ZNF420: variants seen among roughly 807,000 people sequenced by gnomAD.
The protein encoded by ZNF420 is ATM and p53-associated KZNF protein.
In ZNF420, 31 loss-of-function variants were observed where a neutral mutation model predicts 44.7. The ratio of observed to expected loss-of-function variants is 0.69; its 90% CI spans 0.52 to 0.94. The LOEUF (loss-of-function observed/expected upper bound fraction) is 0.94. Ranked by LOEUF, ZNF420 falls within the 40% of genes least tolerant of loss-of-function variation. The pLI is 0.00. For missense variants in ZNF420, 681 were observed against 827.9 expected (o/e 0.82, Z 2.18); for synonymous variants, 245 against 267.4 (o/e 0.92, Z 0.82).
intron 4 of ZNF420, among the ~76,000 whole-genome samples, chr19:37,115,701 G>A (rs1970636821): frequency 6.6e-6 from 1 of 151,904 alleles, no homozygotes; most frequent in Non-Finnish European, 1.5e-5. Context: ...CTCAACTGCA[G>A]AGAGGCCTTC....
chr19:37,028,101 G>A (rs951185889), intron 1 of ZNF420, among the ~76,000 whole-genome samples: 7 of 152,282 alleles, frequency 4.6e-5, no homozygotes, highest in Middle Eastern at 3.4e-3. Context: ...TGGTGTCAGC[G>A]TTTGGATTTG....
chr19:37,025,805 C>T lies in ZNF420; in HGVS notation c.-125+17723C>T, dbSNP rs527314504. Among the ~76,000 whole-genome samples, 5 of 140,948 alleles carry T rather than the reference C, an allele frequency of 3.5e-5. No individual in the cohort carries two copies. In the East Asian group the frequency reaches 6.7e-4, roughly 19 times the overall value. 92.5% of individuals were successfully genotyped at this position (140,948 alleles called of 152,430 possible). A position where few individuals can be genotyped will look rare whatever the true frequency, so the allele number is the denominator to read the frequency against. On this transcript the variant is annotated intron_variant, in intron 1 of 4. Coordinates refer to the ZNF420 transcript ENST00000587029. The stretch of plus-strand genomic sequence containing the variant: ...TTTTTTTTTTTTTAAGAGACAAGGT[C>T]TCGCTCTGTTGCCTAGGTTGGAGTA...
Position 37,130,022 on chromosome 19 carries a change from G to T in ZNF420, c.*964G>T. ...TCTCTTTTTTAGTAACAAATTTCTG[G>T]GCTGAAAATCTCAGCCTTCCTTGCA... is the stretch of plus-strand genomic sequence containing the variant. On this transcript the variant is annotated 3_prime_UTR_variant, in exon 5 of 5. Coordinates refer to ENST00000337995, the MANE Select transcript of ZNF420 (RefSeq NM_144689.5). 1.3e-6 allele frequency: 2 copies of T among 1,524,064 alleles called. No individual in the cohort carries two copies. Among genetic ancestry groups the T allele is most frequent in the Admixed American group, 2.1e-5 (1 of 47,004 alleles). The allele number at this position is 1,524,064 out of a possible 1,614,324, so 94.4% of individuals were successfully genotyped here. A position where few individuals can be genotyped will look rare whatever the true frequency, so the allele number is the denominator to read the frequency against.
chr19:37,123,771 T>TTGTGTGTGTGTGTGTGTG (rs535419705), intron 4 of ZNF420, among the ~76,000 whole-genome samples: 4 of 151,126 alleles, frequency 2.6e-5, no homozygotes, highest in African/African-American at 9.7e-5. Flanking sequence ...CCCAGCTAAT[T>TTGTGTGTGTGTGTGTGTG]TGTGTGTGTG....
chr19:37,074,799 T>C (rs1273318009), upstream of ZNF420, among the ~76,000 whole-genome samples: 1 of 152,240 alleles, frequency 6.6e-6, no homozygotes, highest in South Asian at 2.1e-4. Context: ...AATATGTAAA[T>C]ACATGCAGAC....
intron 1 of ZNF420, among the ~76,000 whole-genome samples, chr19:37,039,748 T>C (rs1054202220): frequency 6.6e-6 from 1 of 151,644 alleles, no homozygotes; most frequent in Non-Finnish European, 1.5e-5. Flanking sequence ...TTGCCCAGAC[T>C]GGATTGCAGT....
chr19:37,029,749 C>T (rs1386076474), intron 1 of ZNF420, among the ~76,000 whole-genome samples: 1 of 151,998 alleles, frequency 6.6e-6, no homozygotes, highest in East Asian at 1.9e-4. Context: ...ATGTCGTGAT[C>T]CACCCGCCTT....
chr19:37,130,032 C>T lies in ZNF420; in HGVS notation c.*974C>T, dbSNP rs781635898. 6 of 1,532,050 alleles carry T rather than the reference C, an allele frequency of 3.9e-6. No individual in the cohort carries two copies. The highest frequency in any genetic ancestry group is 4.4e-6 in the Non-Finnish European group (5 of 1,137,766). The allele number at this position is 1,532,050 out of a possible 1,614,324, so 94.9% of individuals were successfully genotyped here. On this transcript the variant is annotated 3_prime_UTR_variant, in exon 5 of 5. Transcript: ENST00000337995. ...AGTAACAAATTTCTGGGCTGAAAAT[C>T]TCAGCCTTCCTTGCAGGTCAACAAG...
intron 4 of ZNF420, chr19:37,115,010 T>C (rs1970582982): frequency 6.4e-6 from 1 of 156,382 alleles, no homozygotes; most frequent in African/African-American, 2.4e-5. Context: ...TAAAAGAATT[T>C]TAATGGAGCT....
upstream of ZNF420, chr19:37,077,973 C>T (rs1345993678): frequency 1.3e-5 from 2 of 153,040 alleles, no homozygotes; most frequent in African/African-American, 4.8e-5. Flanking sequence ...CGGAAAGACT[C>T]TCAGTCCACC....
chr19:37,128,874 C>T lies in ZNF420; in HGVS notation c.1883C>T (p.Ser628Leu), dbSNP rs748493149. Reference protein sequence around the residue: ...RECRKAFTQSSHLSRHQRIHT... With the variant: ...RECRKAFTQSLHLSRHQRIHT... ...TGTAGAAAGGCCTTTACTCAGAGTT[C>T]ACATCTTTCTCGGCATCAGAGAATT... Residue 628 changes from serine to leucine, a missense_variant, in exon 5 of 5, where the codon TCA (serine) becomes TTA (leucine). Physicochemically the swap from Ser to Leu is moderately radical, Grantham distance 145. Around this residue, in one of 3 missense-constraint regions of ZNF420, gnomAD observed 280 missense variants for 338.6 expected, o/e 0.83. Transcript: ENST00000337995. 4 of 1,612,594 alleles carry T rather than the reference C, an allele frequency of 2.5e-6. No homozygotes were observed. Among genetic ancestry groups the T allele is most frequent in the Non-Finnish European group, 3.4e-6 (4 of 1,179,668 alleles).
intron 4 of ZNF420, among the ~76,000 whole-genome samples, chr19:37,121,164 C>T (rs1173609408): frequency 6.8e-6 from 1 of 146,508 alleles, no homozygotes. Flanking sequence ...CCCGCATTGC[C>T]AAGTCAATCC....
intron 4 of ZNF420, among the ~76,000 whole-genome samples, chr19:37,103,201 ATTTTAT>A (rs889248866): frequency 6.6e-6 from 1 of 152,056 alleles, no homozygotes; most frequent in African/African-American, 2.4e-5. Flanking sequence ...TTGTTTTAAA[ATTTTAT>A]TTTTATTTCC....
At chr19:37,074,952 G>A (rs533178884), upstream of ZNF420, among the ~76,000 whole-genome samples, 1 of 152,250 alleles carries the variant, frequency 6.6e-6, no homozygotes, top group Admixed American at 6.5e-5. Flanking sequence ...TTATATCAGA[G>A]TGCCTCAGAT....
chr19:37,062,434 T>C (rs1018110347), intron 1 of ZNF420, among the ~76,000 whole-genome samples: 7 of 152,256 alleles, frequency 4.6e-5, no homozygotes, highest in African/African-American at 1.7e-4. Context: ...TGAAAATCTT[T>C]TATTTTCCTC....
At chr19:37,095,755 A>T (rs893164693) in intron 4 of ZNF420, among the ~76,000 whole-genome samples, 1 of 151,930 alleles carries the variant, frequency 6.6e-6, no homozygotes, top group African/African-American at 2.4e-5. Flanking sequence ...CCCGCAGCCA[A>T]GCCCAGCTTA....
At chr19:37,076,071 C>G (rs1174393826), upstream of ZNF420, among the ~76,000 whole-genome samples, 1 of 151,912 alleles carries the variant, frequency 6.6e-6, no homozygotes, top group African/African-American at 2.4e-5. Flanking sequence ...TTAAAAAAAT[C>G]ACATATCAAC....
At chr19:37,055,550 G>T (rs756708803) in intron 1 of ZNF420, among the ~76,000 whole-genome samples, 1 of 152,180 alleles carries the variant, frequency 6.6e-6, no homozygotes, top group African/African-American at 2.4e-5. Context: ...ACGCAGAGCC[G>T]AAACCGTTTA....
chr19:37,076,576 A>G (rs1276853726), upstream of ZNF420, among the ~76,000 whole-genome samples: 1 of 152,000 alleles, frequency 6.6e-6, no homozygotes, highest in Non-Finnish European at 1.5e-5. Context: ...CCCTGTGTCC[A>G]AGTGTTCTCA....
Sources: gnomAD v4.1 joint callset for allele counts (sites outside exome capture counted in the v4.1 genomes callset) on GRCh38, gnomAD v4.1.1 for gene constraint, gnomAD v4.1.1 regional missense constraint, MANE v1.5 for transcripts, NCBI Gene and HGNC (gene_info 2026-07-23, HGNC 2026-07-21) for gene names.